Variants in RNF212 observed in about 807,000 individuals in gnomAD.
RNF212 encodes probable E3 SUMO-protein ligase RNF212.
RNF212 carries 33 observed loss-of-function variants against 34.7 expected under a neutral mutation model. The observed-to-expected ratio is 0.95, with a 90% CI of 0.72 to 1.27. The LOEUF (loss-of-function observed/expected upper bound fraction) is 1.27, where lower values mean the gene tolerates loss of function less well. RNF212 is among the 50% of genes most tolerant of loss of function. RNF212 has a pLI of 0.00. For synonymous variants in RNF212, 140 were observed against 136.1 expected (o/e 1.03, Z -0.20); for missense variants, 377 against 362.2 (o/e 1.04, Z -0.33).
At chr4:1,087,659 G>A (rs1721551853) in intron 4 of RNF212, among the ~76,000 whole-genome samples, 1 of 151,292 alleles carries the variant, frequency 6.6e-6, no homozygotes. Flanking sequence ...GGTATGATAT[G>A]GTTTGGCTGT....
chr4:1,108,732 C>G (rs1725198513), intron 1 of RNF212, among the ~76,000 whole-genome samples: 1 of 151,368 alleles, frequency 6.6e-6, no homozygotes, highest in Non-Finnish European at 1.5e-5. Context: ...AGGTCTTGTT[C>G]TGTTGCCCAG....
chr4:1,059,256 G>C (rs1717575895), intron 3 of RNF212, among the ~76,000 whole-genome samples: 1 of 152,226 alleles, frequency 6.6e-6, no homozygotes, highest in African/African-American at 2.4e-5. Context: ...GACCTTGTGA[G>C]GATGCTGCCT....
chr4:1,062,838 A>G (rs1406943319), intron 3 of RNF212, among the ~76,000 whole-genome samples: 2 of 152,254 alleles, frequency 1.3e-5, no homozygotes, highest in Non-Finnish European at 2.9e-5. Context: ...AAAAATCCCC[A>G]GAGCTCATAA....
At position 1,081,461 on chromosome 4, in the gene RNF212, G is replaced by A. The variant is rs893262566; in HGVS notation, c.422C>T (p.Pro141Leu). Residue 141 changes from proline to leucine, a missense_variant, in exon 7 of 10, where the codon CCA becomes CTA. By Grantham distance (98) the Pro-to-Leu change is moderately conservative. Transcript: ENST00000433731. Reference sequence around the variant, plus strand: ...GTGAGGTGGCAGCAGGCATCCGTGTGGTTTTGCTGGAAGAGTGATGACGAA... The same window carrying A: ...GTGAGGTGGCAGCAGGCATCCGTGTAGTTTTGCTGGAAGAGTGATGACGAA... The part of the protein sequence containing the change: ...STIKSSVSTK[P>L]HGCLLPPHSS... The A allele has an allele frequency of 4.3e-6, 7 of 1,613,924 alleles. No individual in the cohort carries two copies. Among genetic ancestry groups the A allele is most frequent in the Non-Finnish European group, 5.9e-6 (7 of 1,179,904 alleles).
chr4:1,106,551 A>G (rs1042698242), intron 2 of RNF212, among the ~76,000 whole-genome samples: 1 of 152,260 alleles, frequency 6.6e-6, no homozygotes, highest in African/African-American at 2.4e-5. Context: ...ATTATTTAGA[A>G]ATCAGAGAAA....
chr4:1,070,759 A>G (rs1388541019), downstream of RNF212, among the ~76,000 whole-genome samples: 1 of 152,246 alleles, frequency 6.6e-6, no homozygotes, highest in East Asian at 1.9e-4. Flanking sequence ...TAGCGATGCT[A>G]GGGCACCACA....
chr4:1,098,269 A>G (rs1053961234), intron 2 of RNF212, among the ~76,000 whole-genome samples: 2 of 152,154 alleles, frequency 1.3e-5, no homozygotes, highest in African/African-American at 2.4e-5. Flanking sequence ...AAAATTTAGG[A>G]AAAAAATACT....
Position 1,072,552 on chromosome 4 carries a change from C to T in RNF212, c.*322G>A. On this transcript the variant is annotated 3_prime_UTR_variant, in exon 10 of 10. Transcript: ENST00000433731. Reference sequence around the variant, plus strand: ...ACCTTCCTTTCAATTTTTCTGTGAACCTAAAACTGCTCTAAGAAAAAGTTT... The same window carrying T: ...ACCTTCCTTTCAATTTTTCTGTGAATCTAAAACTGCTCTAAGAAAAAGTTT... 5 of 544,154 alleles carry T rather than the reference C, an allele frequency of 9.2e-6. No individual in the cohort carries two copies. Among genetic ancestry groups the T allele is most frequent in the Non-Finnish European group, 1.2e-5 (5 of 403,020 alleles). 33.7% of individuals were successfully genotyped at this position (544,154 alleles called of 1,614,324 possible).
Position 1,058,696 on chromosome 4 carries a change from C to G in RNF212, n.148-303G>C, listed in dbSNP as rs1253550847. ...TAGAGAATATGTAAGCCATCTGAATCATCAGCAGCTGGATAGCAAGACCTG... is the reference window on the plus strand; with the variant it reads ...TAGAGAATATGTAAGCCATCTGAATGATCAGCAGCTGGATAGCAAGACCTG... On this transcript the variant is annotated intron_variant and non_coding_transcript_variant, in intron 3 of 4. Coordinates refer to the RNF212 transcript ENST00000503206. Among the ~76,000 whole-genome samples, 3 of 152,208 alleles carry G rather than the reference C, an allele frequency of 2.0e-5. No individual in the cohort carries two copies. The East Asian group carries it at 5.8e-4, about 29-fold the overall frequency.
chr4:1,089,399 G>A (rs1201498061), intron 4 of RNF212, among the ~76,000 whole-genome samples: 2 of 152,222 alleles, frequency 1.3e-5, no homozygotes, highest in African/African-American at 2.4e-5. Flanking sequence ...TTTACCCAAT[G>A]CCTGTACTCC....
chr4:1,056,536 T>A lies in RNF212; in HGVS notation n.221-33A>T. On this transcript the variant is annotated intron_variant and non_coding_transcript_variant, in intron 4 of 4. Coordinates refer to the RNF212 transcript ENST00000503206. Reference sequence around the variant, plus strand: ...GGAAAATGAGGGTGCACATGTTACATACAAAAAATAAGGTGGGGAGAAGAG... The same window carrying A: ...GGAAAATGAGGGTGCACATGTTACAAACAAAAAATAAGGTGGGGAGAAGAG... The A allele has an allele frequency of 5.2e-6, 5 of 969,352 alleles. No homozygotes were observed. The South Asian group carries it at 1.4e-4, about 28-fold the overall frequency. 60.0% of individuals were successfully genotyped at this position (969,352 alleles called of 1,614,324 possible).
intron 1 of RNF212, among the ~76,000 whole-genome samples, chr4:1,108,783 T>C (rs1490650471): frequency 6.6e-6 from 1 of 152,156 alleles, no homozygotes; most frequent in Admixed American, 6.5e-5. Context: ...ACTGCAGCCT[T>C]GACACCCCCG....
intron 8 of RNF212, among the ~76,000 whole-genome samples, chr4:1,075,574 TCTG>T (rs1372890973): frequency 2.0e-5 from 3 of 152,210 alleles, no homozygotes; most frequent in Non-Finnish European, 4.4e-5. Flanking sequence ...AACCCAAACT[TCTG>T]CTACCAGGCC....
intron 4 of RNF212, among the ~76,000 whole-genome samples, chr4:1,087,709 G>A (rs896316970): frequency 6.6e-6 from 1 of 151,270 alleles, no homozygotes; most frequent in Non-Finnish European, 1.5e-5. Context: ...AATCCCATGT[G>A]TCAAGGGGAA....
In RNF212 at chr4:1,091,582, G is replaced by A. The variant is rs142241392; in HGVS notation, c.247-744C>T. Among the ~76,000 whole-genome samples, 272 of 152,284 alleles carry A rather than the reference G, an allele frequency of 1.8e-3. 7 individuals carry two copies. The South Asian group carries it at 0.049, about 27-fold the overall frequency. On this transcript the variant is annotated intron_variant, in intron 3 of 9. Transcript: ENST00000433731. ...CCCACTTCACTCCACCTTGCCATCT[G>A]CGATGATAACACAAGCAGGAGGGAG...
In RNF212 at chr4:1,108,401, T is replaced by C. The variant is rs2153066416; in HGVS notation, c.113A>G (p.Lys38Arg). 1 of 1,487,014 alleles carries C rather than the reference T, an allele frequency of 6.7e-7. No individual in the cohort carries two copies. Among genetic ancestry groups the C allele is most frequent in the East Asian group, 2.6e-5 (1 of 37,752 alleles). The allele number at this position is 1,487,014 out of a possible 1,614,324, so 92.1% of individuals were successfully genotyped here. A position where few individuals can be genotyped will look rare whatever the true frequency, so the allele number is the denominator to read the frequency against. The change falls in exon 2 of 10, where the codon AAA becomes AGA. Residue 38 changes from lysine (K) to arginine (R), a missense_variant. By Grantham distance (26) the Lys-to-Arg change is conservative. Coordinates refer to ENST00000433731, the MANE Select transcript of RNF212 (RefSeq NM_001131034.4). ...VYCDACLGKG[K>R]KNECLICKAP... ...TTTACAAATCAAGCATTCATTCTTT[T>C]TACCTATAAAATAAAAATAGGCTTT...
chr4:1,073,974 A>T (rs776968322), intron 8 of RNF212, among the ~76,000 whole-genome samples: 4 of 152,030 alleles, frequency 2.6e-5, no homozygotes, highest in Non-Finnish European at 4.4e-5. Flanking sequence ...TTTGCAGCTG[A>T]TGTTAGAGAA....
At chr4:1,083,106 TAG>T (rs2153044432) in intron 5 of RNF212, among the ~76,000 whole-genome samples, 1 of 152,188 alleles carries the variant, frequency 6.6e-6, no homozygotes, top group South Asian at 2.1e-4. Flanking sequence ...ACCAGGTATG[TAG>T]AGAGTGGGAT....
chr4:1,113,639 C>G, upstream of RNF212: 1 of 497,964 alleles, frequency 2.0e-6, no homozygotes, highest in South Asian at 2.8e-5. Flanking sequence ...CGCGGGTTCT[C>G]CCGCAGCACC....
Sources: allele counts gnomAD v4.1 joint callset (sites outside exome capture counted in the v4.1 genomes callset), GRCh38; gene constraint gnomAD v4.1.1; transcripts MANE v1.5; gene names NCBI Gene and HGNC (gene_info 2026-07-23, HGNC 2026-07-21).